Variants in SLC24A2 observed in about 807,000 individuals in gnomAD.
SLC24A2 encodes the protein solute carrier family 24 member 2.
In SLC24A2, 36 loss-of-function variants were observed where a neutral mutation model predicts 62.0. That is an observed-to-expected ratio of 0.58 (90% confidence interval 0.44 to 0.77). The LOEUF (loss-of-function observed/expected upper bound fraction) is 0.77. Ranked by LOEUF, SLC24A2 falls within the 30% of genes least tolerant of loss-of-function variation. SLC24A2 has a pLI of 0.00. For missense variants in SLC24A2, 846 were observed against 817.9 expected (o/e 1.03, Z -0.42); for synonymous variants, 358 against 294.0 (o/e 1.22, Z -2.23).
chr9:19,961,235 A>T, the SLC24A2 span, among the ~76,000 whole-genome samples: 7 of 150,616 alleles, frequency 4.6e-5, no homozygotes, highest in Middle Eastern at 0.01. Flanking sequence ...TAATAATAAT[A>T]AAAAAAAAGA....
chr9:20,204,282 C>T, the SLC24A2 span, among the ~76,000 whole-genome samples: 1 of 152,152 alleles, frequency 6.6e-6, no homozygotes, highest in African/African-American at 2.4e-5. Context: ...ACAGCATTGC[C>T]ACCTTCAAAG....
the SLC24A2 span, among the ~76,000 whole-genome samples, chr9:20,247,789 A>C: frequency 6.6e-6 from 1 of 152,356 alleles, no homozygotes; most frequent in African/African-American, 2.4e-5. Context: ...AACAGGCCAC[A>C]TAGCATAACA....
chr9:19,650,794 T>G (rs1818778052), intron 2 of SLC24A2, among the ~76,000 whole-genome samples: 1 of 150,684 alleles, frequency 6.6e-6, no homozygotes, highest in African/African-American at 2.5e-5. Flanking sequence ...TAAAAATTAA[T>G]TCACAGGCAT....
At chr9:19,597,688 C>A (rs1484033881) in intron 4 of SLC24A2, among the ~76,000 whole-genome samples, 2 of 152,204 alleles carry the variant, frequency 1.3e-5, no homozygotes, top group Non-Finnish European at 2.9e-5. Flanking sequence ...TTCCTTGCCA[C>A]AGAACAGCAG....
chr9:19,567,690 C>CAA (rs113815958), intron 7 of SLC24A2, among the ~76,000 whole-genome samples: 94,036 of 142,306 alleles, frequency 0.66, 31,802 homozygotes, highest in South Asian at 0.85. Flanking sequence ...TTAAAATAAC[C>CAA]AAAAAAAAAA....
At chr9:20,169,783 C>T in the SLC24A2 span, among the ~76,000 whole-genome samples, 24 of 151,812 alleles carry the variant, frequency 1.6e-4, no homozygotes, top group Admixed American at 1.6e-3. Flanking sequence ...TTTGACACCC[C>T]CCCAAAAAAT....
At chr9:19,799,280 T>C in the SLC24A2 span, among the ~76,000 whole-genome samples, 9 of 152,340 alleles carry the variant, frequency 5.9e-5, no homozygotes, top group African/African-American at 1.9e-4. Context: ...CTTTTATTTC[T>C]GAGAGAAAAT....
At chr9:19,918,727 C>T in the SLC24A2 span, among the ~76,000 whole-genome samples, 733 of 152,180 alleles carry the variant, frequency 4.8e-3, 10 homozygotes, top group African/African-American at 0.017. Flanking sequence ...AATCCAAGAC[C>T]CACCCACATG....
the SLC24A2 span, among the ~76,000 whole-genome samples, chr9:19,915,236 C>T: frequency 2.6e-5 from 4 of 152,114 alleles, no homozygotes; most frequent in African/African-American, 7.2e-5. Context: ...TTTCAAGTCT[C>T]ATATATGGTG....
the SLC24A2 span, among the ~76,000 whole-genome samples, chr9:20,211,234 C>T: frequency 1.3e-5 from 2 of 152,010 alleles, no homozygotes; most frequent in Non-Finnish European, 2.9e-5. Context: ...ACATGCTGGC[C>T]GGGCGCGGTG....
chr9:19,964,225 G>T, the SLC24A2 span, among the ~76,000 whole-genome samples: 2 of 114,536 alleles, frequency 1.7e-5, no homozygotes, highest in South Asian at 3.7e-4. Context: ...GTTGTGGGGT[G>T]GGGGGAGGGG....
intron 2 of SLC24A2, among the ~76,000 whole-genome samples, chr9:19,627,969 C>T (rs532435186): frequency 6.6e-6 from 1 of 152,182 alleles, no homozygotes; most frequent in Non-Finnish European, 1.5e-5. Flanking sequence ...CTTGTGCACT[C>T]CACTGGAACA....
chr9:19,780,689 C>T (rs921331920), intron 2 of SLC24A2, among the ~76,000 whole-genome samples: 2 of 151,258 alleles, frequency 1.3e-5, no homozygotes, highest in African/African-American at 2.4e-5. Flanking sequence ...ATTGACACCA[C>T]GGTGAAACCC....
At chr9:19,548,272 A>T (rs957166408) in intron 8 of SLC24A2, among the ~76,000 whole-genome samples, 9 of 147,538 alleles carry the variant, frequency 6.1e-5, no homozygotes, top group South Asian at 2.1e-4. Flanking sequence ...GATTTTTTTT[A>T]AATGATTTTT....
At chr9:20,088,409 AC>A in the SLC24A2 span, among the ~76,000 whole-genome samples, 1 of 152,300 alleles carries the variant, frequency 6.6e-6, no homozygotes, top group Middle Eastern at 3.4e-3. Context: ...GTCCTCCGAC[AC>A]AGTGCAGCAG....
chr9:19,881,474 C>CA, the SLC24A2 span, among the ~76,000 whole-genome samples: 404 of 152,044 alleles, frequency 2.7e-3, 1 homozygote, highest in Non-Finnish European at 4.5e-3. Flanking sequence ...AAGTACGGCA[C>CA]AAAAAAGACA....
the SLC24A2 span, among the ~76,000 whole-genome samples, chr9:20,186,190 G>C: frequency 2.0e-5 from 3 of 152,048 alleles, no homozygotes; most frequent in Non-Finnish European, 2.9e-5. Flanking sequence ...CTGATCATTT[G>C]ACCAGTCTTG....
chr9:20,224,954 C>A, the SLC24A2 span, among the ~76,000 whole-genome samples: 9 of 152,076 alleles, frequency 5.9e-5, no homozygotes, highest in African/African-American at 1.9e-4. Flanking sequence ...CAGCCAATGA[C>A]TACAAATAAG....
chr9:20,022,560 G>A, the SLC24A2 span, among the ~76,000 whole-genome samples: 570 of 152,276 alleles, frequency 3.7e-3, 3 homozygotes, highest in Non-Finnish European at 4.3e-3. Flanking sequence ...TGAAGTCCAT[G>A]CAGTGTTGTC....
Sources: allele counts gnomAD v4.1 joint callset (sites outside exome capture counted in the v4.1 genomes callset), GRCh38; gene constraint gnomAD v4.1.1; transcripts MANE v1.5; gene names NCBI Gene and HGNC (gene_info 2026-07-23, HGNC 2026-07-21).